AQR: variants seen among roughly 807,000 people sequenced by gnomAD.
AQR encodes the protein aquarius intron-binding spliceosomal factor.
Under a neutral mutation model 180.5 loss-of-function variants are expected in AQR, and 61 were observed. That is an observed-to-expected ratio of 0.34 (90% CI 0.28 to 0.42). AQR has a LOEUF of 0.42. Ranked by LOEUF, AQR falls within the 10% of genes least tolerant of loss-of-function variation. AQR has a pLI of 1.00. For synonymous variants in AQR, 551 were observed against 588.8 expected (o/e 0.94, Z 0.93); for missense variants, 1,281 against 1,798.3 (o/e 0.71, Z 5.20).
In AQR at chr15:34,896,954, C is replaced by A. The variant is rs768054965; in HGVS notation, c.2403G>T (p.Gln801His). ...TGGCTTCTATCTGTGTATGAGTGAACTGAATCGTATTACTGCAAATAAGAG... is the reference window on the plus strand; with the variant it reads ...TGGCTTCTATCTGTGTATGAGTGAAATGAATCGTATTACTGCAAATAAGAG... The part of the protein sequence containing the change: ...PYNQPKRNTI[Q>H]FTHTQIEAIR... Residue 801 changes from glutamine (Q) to histidine (H), a missense_variant, in exon 22 of 35, where the codon CAG becomes CAT. Gln to His is a conservative substitution (Grantham distance 24, BLOSUM62 0). This residue lies in a region of AQR where 112 missense variants were observed against 128.6 expected (regional missense o/e 0.87). Coordinates refer to ENST00000156471, the MANE Select transcript of AQR (RefSeq NM_014691.3). 29 of 1,612,464 alleles carry A rather than the reference C, an allele frequency of 1.8e-5. No homozygotes were observed. The highest frequency in any genetic ancestry group is 2.4e-5 in the Non-Finnish European group (28 of 1,178,620).
intron 22 of AQR, among the ~76,000 whole-genome samples, chr15:34,895,189 T>TATATAA (rs1893222510): frequency 7.8e-5 from 1 of 12,850 alleles, no homozygotes; most frequent in Non-Finnish European, 1.7e-4. Flanking sequence ...AAAAAAAAAA[T>TATATAA]ATATATATAT....
rs183135037 is a variant in AQR at position 34,855,208 on chromosome 15, C to T, written c.*1584G>A. The stretch of plus-strand genomic sequence containing the variant: ...TACATCATAAAATGAGAGTCTGTAC[C>T]ATATTCAACACAGCCTGGTAGAGCT... On this transcript the variant is annotated 3_prime_UTR_variant, in exon 35 of 35. Coordinates refer to ENST00000156471, the MANE Select transcript of AQR (RefSeq NM_014691.3). The T allele has an allele frequency of 1.4e-4, 21 of 152,304 alleles. No homozygotes were observed. The highest frequency in any genetic ancestry group is 2.8e-4 in the Non-Finnish European group (19 of 68,034). 9.4% of individuals were successfully genotyped at this position (152,304 alleles called of 1,614,324 possible).
chr15:34,902,562 G>A (rs1178384210), intron 19 of AQR, among the ~76,000 whole-genome samples: 3 of 152,036 alleles, frequency 2.0e-5, no homozygotes, highest in Non-Finnish European at 4.4e-5. Context: ...TTCATGGTAG[G>A]CATCTGTCTA....
chr15:34,910,099 C>T (rs780934381), intron 17 of AQR, 36 bp downstream of exon 17: 4 of 1,608,090 alleles, frequency 2.5e-6, no homozygotes, highest in East Asian at 2.2e-5. Context: ...CATAACAAGG[C>T]AAAAGGTAAT....
intron 27 of AQR, among the ~76,000 whole-genome samples, chr15:34,879,462 C>G (rs1384629411): frequency 1.3e-5 from 2 of 152,168 alleles, no homozygotes; most frequent in African/African-American, 4.8e-5. Flanking sequence ...TGAAGATTTT[C>G]CAGACCCCTT....
intron 33 of AQR, 124 bp downstream of exon 33, chr15:34,862,743 C>T: frequency 9.5e-7 from 1 of 1,055,202 alleles, no homozygotes; most frequent in Non-Finnish European, 1.4e-6. Flanking sequence ...CTCAGTGCAG[C>T]ACACTCTAAA....
At chr15:34,964,336 T>A (rs1230742128) in intron 1 of AQR, 46 bp from the exon 2 acceptor site, 1 of 1,454,080 alleles carries the variant, frequency 6.9e-7, no homozygotes, top group East Asian at 2.3e-5. Flanking sequence ...TTCTTGCCAT[T>A]GTAGAGCTGG....
chr15:34,957,389 T>C (rs1378059870), intron 3 of AQR, among the ~76,000 whole-genome samples: 2 of 152,070 alleles, frequency 1.3e-5, no homozygotes, highest in Non-Finnish European at 2.9e-5. Context: ...CTATAGTTTA[T>C]GTGTTACAGA....
chr15:34,941,917 C>T, intron 7 of AQR, 95 bp downstream of exon 7: 6 of 878,776 alleles, frequency 6.8e-6, no homozygotes, highest in Non-Finnish European at 9.7e-6. Flanking sequence ...GGGTATTTAG[C>T]TACCACTTGT....
Position 34,896,905 on chromosome 15 carries a change from G to T in AQR, c.2452C>A (p.Leu818Met). Reference sequence around the variant, plus strand: ...TGTAACAATTCTCTTACCATAGTCAGCCCAGGCTGCATTCCAGCACGGATG... The same window carrying T: ...TGTAACAATTCTCTTACCATAGTCATCCCAGGCTGCATTCCAGCACGGATG... ...EAIRAGMQPG[L>M]TMVVGPPGTG... The change falls in exon 22 of 35, where the codon CTG becomes ATG. Residue 818 changes from leucine to methionine, a missense_variant. Transcript: ENST00000156471. The T allele has an allele frequency of 6.2e-7, 1 of 1,611,156 alleles. No homozygotes were observed. Among genetic ancestry groups the T allele is most frequent in the Non-Finnish European group, 8.5e-7 (1 of 1,177,286 alleles).
At chr15:34,939,628 T>C (rs909576552) in intron 8 of AQR, among the ~76,000 whole-genome samples, 1 of 152,224 alleles carries the variant, frequency 6.6e-6, no homozygotes, top group African/African-American at 2.4e-5. Flanking sequence ...ATGTATCAAG[T>C]ATCGTACAGC....
chr15:34,964,474 T>C (rs1428974763), intron 1 of AQR, 184 bp from the exon 2 acceptor site: 4 of 689,180 alleles, frequency 5.8e-6, no homozygotes, highest in Non-Finnish European at 2.7e-6. Flanking sequence ...AACCACTAAA[T>C]GCCAGTAGTG....
chr15:34,963,872 T>C (rs60210204), intron 2 of AQR, among the ~76,000 whole-genome samples: 1,983 of 61,268 alleles, frequency 0.032, 58 homozygotes, highest in African/African-American at 0.078. Context: ...ACCGTGTTGG[T>C]CAGATGGTCT....
rs141890077 is a variant in AQR at position 34,943,647 on chromosome 15, G to C, written c.471+641C>G. On this transcript the variant is annotated intron_variant, in intron 6 of 34. Transcript: ENST00000156471. ...AGAAAGAACTCCATGCATTCCTCCTGCATGGGTGTAAGTGAATTATCAATT... is the reference window on the plus strand; with the variant it reads ...AGAAAGAACTCCATGCATTCCTCCTCCATGGGTGTAAGTGAATTATCAATT... Among the ~76,000 whole-genome samples the C allele has an allele frequency of 1.2e-3, 187 of 152,160 alleles. 1 individual carries two copies. Among genetic ancestry groups the C allele is most frequent in the African/African-American group, 4.1e-3 (170 of 41,522 alleles).
chr15:34,965,752 T>A (rs113334398), intron 1 of AQR, among the ~76,000 whole-genome samples: 4 of 152,314 alleles, frequency 2.6e-5, no homozygotes, highest in African/African-American at 9.6e-5. Flanking sequence ...CACCCCCAGT[T>A]ATTCTGTGGT....
intron 17 of AQR, among the ~76,000 whole-genome samples, chr15:34,909,698 T>C (rs868586395): frequency 5.3e-5 from 8 of 152,216 alleles, no homozygotes; most frequent in Non-Finnish European, 1.2e-4. Context: ...CTTTTATCTT[T>C]TGAAAAATAC....
chr15:34,872,645 G>A (rs1892836121), intron 30 of AQR, among the ~76,000 whole-genome samples: 1 of 152,066 alleles, frequency 6.6e-6, no homozygotes. Flanking sequence ...TCATTTAAAG[G>A]TCACATCTGT....
At chr15:34,900,540 T>C in intron 20 of AQR, 82 bp downstream of exon 20, 1 of 1,512,654 alleles carries the variant, frequency 6.6e-7, no homozygotes, top group Non-Finnish European at 8.9e-7. Context: ...TACTCAAAAC[T>C]CACTTTAGCT....
chr15:34,903,516 A>C (rs1005971627), intron 19 of AQR, among the ~76,000 whole-genome samples: 9 of 152,154 alleles, frequency 5.9e-5, no homozygotes, highest in Non-Finnish European at 1.3e-4. Context: ...GATAGATTAG[A>C]GGTAGAGTAT....
Sources: gnomAD v4.1 joint callset for allele counts (sites outside exome capture counted in the v4.1 genomes callset) on GRCh38, gnomAD v4.1.1 for gene constraint, gnomAD v4.1.1 regional missense constraint, MANE v1.5 for transcripts, NCBI Gene and HGNC (gene_info 2026-07-23, HGNC 2026-07-21) for gene names.